LRRFIP1: variants seen among roughly 807,000 people sequenced by gnomAD.
LRRFIP1 encodes leucine-rich repeat flightless-interacting protein 1.
Under a neutral mutation model 104.4 loss-of-function variants are expected in LRRFIP1, and 62 were observed. The observed-to-expected ratio is 0.59, with a 90% CI of 0.48 to 0.73. The LOEUF (loss-of-function observed/expected upper bound fraction) is 0.73. Ranked by LOEUF, LRRFIP1 falls within the 30% of genes least tolerant of loss-of-function variation. The pLI is 0.00. For synonymous variants in LRRFIP1, 300 were observed against 299.0 expected (o/e 1.00, Z -0.03); for missense variants, 796 against 824.5 (o/e 0.97, Z 0.42).
chr2:237,775,496 G>A (rs2061006140), intron 23 of LRRFIP1, among the ~76,000 whole-genome samples: 1 of 152,184 alleles, frequency 6.6e-6, no homozygotes, highest in African/African-American at 2.4e-5. Flanking sequence ...GCTACTGCAG[G>A]GTTTTGAGCA....
At chr2:237,635,225 G>A (rs2082914179) in intron 1 of LRRFIP1, among the ~76,000 whole-genome samples, 1 of 152,188 alleles carries the variant, frequency 6.6e-6, no homozygotes, top group Admixed American at 6.5e-5. Flanking sequence ...TGTGTATAGA[G>A]TTCTAGGTTA....
chr2:237,758,877 A>T (rs2059577332), intron 18 of LRRFIP1, 56 bp downstream of exon 18: 3 of 1,337,732 alleles, frequency 2.2e-6, no homozygotes, highest in African/African-American at 1.5e-5. Flanking sequence ...TCCAGGTGAC[A>T]ACAGCAAATT....
intron 8 of LRRFIP1, among the ~76,000 whole-genome samples, chr2:237,731,826 T>C (rs1469594119): frequency 6.6e-6 from 1 of 152,156 alleles, no homozygotes; most frequent in African/African-American, 2.4e-5. Context: ...GCTGACTCAT[T>C]CAAACAGGGC....
At chr2:237,751,166 T>C (rs752226168) in intron 13 of LRRFIP1, 34 bp from the exon 14 acceptor site, 57 of 1,512,100 alleles carry the variant, frequency 3.8e-5, no homozygotes, top group Non-Finnish European at 8.2e-6. Flanking sequence ...TGTTTTCCCT[T>C]GACATCATCT....
At position 237,778,503 on chromosome 2, in the gene LRRFIP1, G is replaced by A. The variant is rs2061280287; in HGVS notation, c.1813-919G>A. ...CCCAGGTGTGGCCGTCTTGGCCTCA[G>A]GCATTCCTGCCTTGGACTCTGGCTG... On this transcript the variant is annotated intron_variant, in intron 23 of 23. Coordinates refer to ENST00000308482, the MANE Select transcript of LRRFIP1 (RefSeq NM_001137550.2). Among the ~76,000 whole-genome samples, 4 of 152,348 alleles carry A rather than the reference G, an allele frequency of 2.6e-5. No homozygotes were observed. In the South Asian group the frequency reaches 8.3e-4, roughly 32 times the overall value.
chr2:237,729,011 C>T (rs753897294), intron 8 of LRRFIP1, among the ~76,000 whole-genome samples: 50 of 152,218 alleles, frequency 3.3e-4, no homozygotes, highest in Non-Finnish European at 5.6e-4. Context: ...CAACCTCTGC[C>T]TCCTGGGTTC....
intron 1 of LRRFIP1, among the ~76,000 whole-genome samples, chr2:237,638,968 G>A (rs2083494548): frequency 6.6e-6 from 1 of 152,214 alleles, no homozygotes; most frequent in African/African-American, 2.4e-5. Flanking sequence ...TTTAAGTTGT[G>A]TGACCGTAGG....
chr2:237,642,286 C>G (rs916921012), intron 1 of LRRFIP1, among the ~76,000 whole-genome samples: 1 of 152,244 alleles, frequency 6.6e-6, no homozygotes, highest in East Asian at 1.9e-4. Flanking sequence ...GAGGCCGAGG[C>G]CTGGCTTCTG....
intron 1 of LRRFIP1, among the ~76,000 whole-genome samples, chr2:237,699,756 G>A (rs6730431): frequency 0.39 from 48,439 of 124,596 alleles, 9,142 homozygotes; most frequent in African/African-American, 0.6. Flanking sequence ...CTGCCCCCCC[G>A]CCCCAATACC....
At chr2:237,771,904 T>G (rs775010941) in intron 20 of LRRFIP1, 177 bp from the exon 21 acceptor site, 24 of 588,338 alleles carry the variant, frequency 4.1e-5, no homozygotes, top group Non-Finnish European at 6.4e-5. Context: ...AGAGTTACAG[T>G]GTAATTCATT....
intron 6 of LRRFIP1, chr2:237,721,777 C>G (rs922745569): frequency 4.6e-5 from 7 of 152,232 alleles, no homozygotes; most frequent in African/African-American, 1.7e-4. Context: ...CCACTCTGTC[C>G]TTGTCAGTGT....
chr2:237,730,781 G>A (rs773076741), intron 8 of LRRFIP1, among the ~76,000 whole-genome samples: 4 of 152,134 alleles, frequency 2.6e-5, no homozygotes, highest in Non-Finnish European at 5.9e-5. Flanking sequence ...AGCTAGGTGC[G>A]GTGGCACATG....
Position 237,735,157 on chromosome 2 carries a change from A to C in LRRFIP1, c.490-111A>C, listed in dbSNP as rs1463198055. On this transcript the variant is annotated intron_variant, in intron 9 of 23. Coordinates refer to ENST00000308482, the MANE Select transcript of LRRFIP1 (RefSeq NM_001137550.2). This position sits in a 1 kb window ranked among gnomAD's most constrained non-coding sequence, Gnocchi z 4.6. Reference sequence around the variant, plus strand: ...CTCAGCCTCCCCTGCATGCTTTTTCAGGTCATGCTCCTGGCACGTGTCAGT... The same window carrying C: ...CTCAGCCTCCCCTGCATGCTTTTTCCGGTCATGCTCCTGGCACGTGTCAGT... 4 of 786,536 alleles carry C rather than the reference A, an allele frequency of 5.1e-6. No homozygotes were observed. The African/African-American group carries it at 6.9e-5, about 14-fold the overall frequency. 48.7% of individuals were successfully genotyped at this position (786,536 alleles called of 1,614,324 possible). A position where few individuals can be genotyped will look rare whatever the true frequency, so the allele number is the denominator to read the frequency against.
intron 1 of LRRFIP1, among the ~76,000 whole-genome samples, chr2:237,636,953 T>A (rs184876209): frequency 1.3e-4 from 20 of 152,150 alleles, no homozygotes; most frequent in African/African-American, 4.6e-4. Context: ...GCAGGTGGAG[T>A]TTTGTTTTTG....
chr2:237,755,565 A>G (rs540300649), intron 15 of LRRFIP1, among the ~76,000 whole-genome samples: 8 of 152,114 alleles, frequency 5.3e-5, no homozygotes, highest in African/African-American at 1.7e-4. Flanking sequence ...GATTGCATCA[A>G]CTCCTCAGGT....
chr2:237,727,856 T>C lies in LRRFIP1; in HGVS notation c.385-20T>C. On this transcript the variant is annotated intron_variant, in intron 7 of 23. Transcript: ENST00000308482. ...ATTTGTGTACTGATGTCAGTTTTTC[T>C]CTTTTCTTCATTGAAACAGACAAAT... is the stretch of plus-strand genomic sequence containing the variant. The C allele has an allele frequency of 6.3e-7, 1 of 1,593,000 alleles. No individual in the cohort carries two copies. Among genetic ancestry groups the C allele is most frequent in the South Asian group, 1.1e-5 (1 of 88,610 alleles).
chr2:237,683,022 T>G (rs1228536426), intron 1 of LRRFIP1, among the ~76,000 whole-genome samples: 1 of 152,218 alleles, frequency 6.6e-6, no homozygotes, highest in East Asian at 1.9e-4. Flanking sequence ...TGGAGAGCGC[T>G]GCCAGCATCT....
At chr2:237,763,768 A>C in intron 19 of LRRFIP1, 1 of 1,614,238 alleles carries the variant, frequency 6.2e-7, no homozygotes, top group South Asian at 1.1e-5. Context: ...ACACCGTTCA[A>C]TCATCAGGCC....
Position 237,661,860 on chromosome 2 carries a change from C to T in LRRFIP1, c.96+34120C>T, listed in dbSNP as rs893245448. On this transcript the variant is annotated intron_variant, in intron 1 of 23. Transcript: ENST00000308482. This position sits in a 1 kb window ranked among gnomAD's most constrained non-coding sequence, Gnocchi z 4.4. ...CCTGACCCAGGTACCTATCAGCCCCCAAAATAGGTGTTGCCATGATTCCTT... is the reference window on the plus strand; with the variant it reads ...CCTGACCCAGGTACCTATCAGCCCCTAAAATAGGTGTTGCCATGATTCCTT... Among the ~76,000 whole-genome samples the T allele has an allele frequency of 1.3e-5, 2 of 152,200 alleles. No individual in the cohort carries two copies. The highest frequency in any genetic ancestry group is 4.8e-5 in the African/African-American group (2 of 41,440).
Sources: allele counts gnomAD v4.1 joint callset (sites outside exome capture counted in the v4.1 genomes callset), GRCh38; gene constraint gnomAD v4.1.1; non-coding constraint Gnocchi (gnomAD v3.1); transcripts MANE v1.5; gene names NCBI Gene and HGNC (gene_info 2026-07-23, HGNC 2026-07-21).